Variants in RPH3AL observed in about 807,000 individuals in gnomAD.
RPH3AL encodes rabphilin 3A like (without C2 domains).
RPH3AL carries 38 observed loss-of-function variants against 43.1 expected under a neutral mutation model. The ratio of observed to expected loss-of-function variants is 0.88; its 90% CI spans 0.68 to 1.15. The LOEUF (loss-of-function observed/expected upper bound fraction) is 1.15. Ranked by LOEUF, RPH3AL falls within the 50% of genes most tolerant of loss-of-function variation. The probability of loss-of-function intolerance (pLI) is 0.00; values close to 1 mark genes in which losing one functional copy is unlikely to be tolerated. For missense variants in RPH3AL, 462 were observed against 423.2 expected, an observed-to-expected ratio of 1.09 and a Z score of -0.81; for synonymous variants, 189 against 176.3, an observed-to-expected ratio of 1.07 and a Z score of -0.57.
chr17:324,710 C>T (rs11150874), intron 3 of RPH3AL, among the ~76,000 whole-genome samples: 82,451 of 150,952 alleles, frequency 0.55, 22,632 homozygotes, highest in Middle Eastern at 0.59. Flanking sequence ...TAGCTATGTA[C>T]CTATCTATCT....
At position 281,797 on chromosome 17, in the gene RPH3AL, G is replaced by C; in HGVS notation, c.409C>G (p.Leu137Val). The change falls in exon 6 of 10, where the codon CTG becomes GTG. Residue 137 changes from leucine (L) to valine (V), a missense_variant. Physicochemically the swap from Leu to Val is conservative, Grantham distance 32. Transcript: ENST00000331302. Reference sequence around the variant, plus strand: ...CTTTGCTCACTGCAGATCTTACACAGCCACAGGGGCCGCTTCTGGCCAGGG... The same window carrying C: ...CTTTGCTCACTGCAGATCTTACACACCCACAGGGGCCGCTTCTGGCCAGGG... ...ASPGQKRPLW[L>V]CKICSEQREV... The C allele has an allele frequency of 6.2e-7, 1 of 1,614,028 alleles. No homozygotes were observed.
intron 5 of RPH3AL, among the ~76,000 whole-genome samples, chr17:315,525 T>C (rs2043983299): frequency 6.6e-6 from 1 of 151,884 alleles, no homozygotes; most frequent in African/African-American, 2.4e-5. Context: ...TGACCTGTAG[T>C]CCCTGTGCTC....
chr17:233,455 T>C (rs116556829), intron 7 of RPH3AL, among the ~76,000 whole-genome samples: 1,827 of 152,220 alleles, frequency 0.012, 30 homozygotes, highest in African/African-American at 0.041. Flanking sequence ...GCTGGGCCTG[T>C]AAGCCCTGCT....
chr17:315,396 C>G (rs1598094587), intron 5 of RPH3AL, among the ~76,000 whole-genome samples: 6 of 138,554 alleles, frequency 4.3e-5, no homozygotes, highest in African/African-American at 8.0e-5. Context: ...CTCCATTGAC[C>G]TGTAGTCCCT....
intron 5 of RPH3AL, among the ~76,000 whole-genome samples, chr17:297,477 T>C (rs11658390): frequency 0.98 from 148,794 of 152,274 alleles, 72,787 homozygotes; most frequent in East Asian, 1. Context: ...CCTCGTCCTG[T>C]GGGATCTGAT....
chr17:233,692 T>G (rs893653753), intron 7 of RPH3AL, among the ~76,000 whole-genome samples: 1 of 152,226 alleles, frequency 6.6e-6, no homozygotes, highest in Non-Finnish European at 1.5e-5. Context: ...TGGTCTGTCT[T>G]CTTTCTTTTC....
chr17:336,465 C>T (rs7210020), intron 1 of RPH3AL, among the ~76,000 whole-genome samples: 39,351 of 152,062 alleles, frequency 0.26, 5,239 homozygotes, highest in Admixed American at 0.35. Flanking sequence ...AACTCCACCG[C>T]CCCCGGGCAC....
rs2043263318 is a variant in RPH3AL at position 299,341 on chromosome 17, C to A, written c.352-17487G>T. Among the ~76,000 whole-genome samples the A allele has an allele frequency of 2.0e-5, 3 of 152,156 alleles. No homozygotes were observed. The South Asian group carries it at 6.2e-4, about 31-fold the overall frequency. On this transcript the variant is annotated intron_variant, in intron 5 of 9. Transcript: ENST00000331302. ...CAGTTTATCCATCTGTAACCTGGGG[C>A]AGACCCCTCCCTCCCTCCCTCCCAC...
chr17:280,768 G>A (rs2042761329), intron 6 of RPH3AL, among the ~76,000 whole-genome samples: 1 of 152,128 alleles, frequency 6.6e-6, no homozygotes, highest in Admixed American at 6.5e-5. Flanking sequence ...AAACAAGAAA[G>A]AGCAGTTGGG....
intron 6 of RPH3AL, among the ~76,000 whole-genome samples, 184 bp downstream of exon 6, chr17:281,584 C>T (rs2042779829): frequency 1.3e-5 from 2 of 152,040 alleles, no homozygotes; most frequent in South Asian, 2.1e-4. Context: ...TTTTCTCCGC[C>T]GAGTGGTCAG....
intron 6 of RPH3AL, among the ~76,000 whole-genome samples, chr17:253,219 T>G (rs1023713527): frequency 3.7e-4 from 56 of 152,238 alleles, no homozygotes; most frequent in African/African-American, 1.3e-3. Context: ...GGACAGGCCT[T>G]GGGGGCTGAG....
At chr17:293,972 G>T (rs895684036) in intron 5 of RPH3AL, among the ~76,000 whole-genome samples, 1 of 151,960 alleles carries the variant, frequency 6.6e-6, no homozygotes, top group Non-Finnish European at 1.5e-5. Context: ...AAGTTGCAGT[G>T]AGCTGAGATT....
At chr17:292,081 T>A (rs549267088) in intron 5 of RPH3AL, among the ~76,000 whole-genome samples, 1 of 152,314 alleles carries the variant, frequency 6.6e-6, no homozygotes, top group Non-Finnish European at 1.5e-5. Flanking sequence ...CAGCTGAAAG[T>A]GTCCACGCAG....
intron 5 of RPH3AL, among the ~76,000 whole-genome samples, chr17:295,396 G>A (rs2043153191): frequency 1.0e-5 from 1 of 97,978 alleles, no homozygotes; most frequent in Non-Finnish European, 2.0e-5. Context: ...GGACAGAGGA[G>A]CTGCAGAAAT....
intron 7 of RPH3AL, among the ~76,000 whole-genome samples, chr17:242,084 T>G (rs1176610836): frequency 6.6e-6 from 1 of 151,898 alleles, no homozygotes; most frequent in Non-Finnish European, 1.5e-5. Context: ...ACCACCACAC[T>G]CCAGCCTGGG....
Position 306,180 on chromosome 17 carries a change from C to T in RPH3AL, c.351+13240G>A, listed in dbSNP as rs1273246443. ...CCGACTTCCCCAGCCCCTTTCTGAC[C>T]CACAGCCTGGGATCCAGCCTGGACT... On this transcript the variant is annotated intron_variant, in intron 5 of 9. Coordinates refer to ENST00000331302, the MANE Select transcript of RPH3AL (RefSeq NM_006987.4). 5.9e-5 allele frequency among the ~76,000 whole-genome samples: 9 copies of T among 152,026 alleles called. No homozygotes were observed. In the East Asian group the frequency reaches 1.5e-3, roughly 26 times the overall value.
At chr17:235,219 C>T (rs1338908720) in intron 7 of RPH3AL, among the ~76,000 whole-genome samples, 4 of 150,156 alleles carry the variant, frequency 2.7e-5, no homozygotes, top group Admixed American at 6.6e-5. Flanking sequence ...AAGCTGGGGT[C>T]GGCGGAGGCT....
chr17:281,974 G>C (rs1333623074), intron 5 of RPH3AL, 120 bp from the exon 6 acceptor site: 24 of 745,952 alleles, frequency 3.2e-5, no homozygotes, highest in African/African-American at 5.2e-5. Flanking sequence ...CTTGCTTCAG[G>C]ATAGAAGGAA....
intron 5 of RPH3AL, among the ~76,000 whole-genome samples, chr17:294,250 C>G (rs139256147): frequency 1.3e-5 from 2 of 151,760 alleles, no homozygotes; most frequent in African/African-American, 4.8e-5. Context: ...CCACTTGAGC[C>G]CAGGTGATCA....
Sources: allele counts gnomAD v4.1 joint callset (sites outside exome capture counted in the v4.1 genomes callset), GRCh38; gene constraint gnomAD v4.1.1; transcripts MANE v1.5; gene names NCBI Gene and HGNC (gene_info 2026-07-23, HGNC 2026-07-21).